RIMS2: variants seen among roughly 807,000 people sequenced by gnomAD.
The protein encoded by RIMS2 is regulating synaptic membrane exocytosis protein 2.
RIMS2 carries 59 observed loss-of-function variants against 174.4 expected under a neutral mutation model. That is an observed-to-expected ratio of 0.34 (90% CI 0.27 to 0.42). RIMS2 has a LOEUF of 0.42. Ranked by LOEUF, RIMS2 falls within the 10% of genes least tolerant of loss-of-function variation. RIMS2 has a pLI of 1.00. For missense variants in RIMS2, 1,620 were observed against 1,666.3 expected (o/e 0.97, Z 0.48); for synonymous variants, 606 against 572.5 (o/e 1.06, Z -0.84).
chr8:103,575,135 C>T (rs1385572929), intron 1 of RIMS2, among the ~76,000 whole-genome samples: 1 of 152,066 alleles, frequency 6.6e-6, no homozygotes, highest in East Asian at 1.9e-4. Flanking sequence ...AGGAAAGACA[C>T]TTATGAGATT....
At chr8:103,621,605 T>C (rs564184129) in intron 1 of RIMS2, among the ~76,000 whole-genome samples, 1 of 152,360 alleles carries the variant, frequency 6.6e-6, no homozygotes, top group Admixed American at 6.5e-5. Flanking sequence ...TTTAAGAATG[T>C]TAGCACAGGT....
At chr8:103,620,144 A>C (rs985683883) in intron 1 of RIMS2, among the ~76,000 whole-genome samples, 3 of 152,168 alleles carry the variant, frequency 2.0e-5, no homozygotes, top group Non-Finnish European at 2.9e-5. Flanking sequence ...TTGTCAATGA[A>C]TGCTGAAATA....
chr8:104,008,547 T>A (rs917780799), intron 17 of RIMS2, among the ~76,000 whole-genome samples: 1 of 151,826 alleles, frequency 6.6e-6, no homozygotes, highest in Non-Finnish European at 1.5e-5. Flanking sequence ...CAGTATTGTA[T>A]TTGTCCCTAA....
chr8:104,018,621 G>A (rs1413533160), intron 19 of RIMS2, among the ~76,000 whole-genome samples: 1 of 152,056 alleles, frequency 6.6e-6, no homozygotes, highest in Admixed American at 6.5e-5. Flanking sequence ...TATTTAATGA[G>A]TACCTACTAG....
intron 19 of RIMS2, among the ~76,000 whole-genome samples, chr8:104,226,289 T>C (rs1248172037): frequency 6.6e-6 from 1 of 152,192 alleles, no homozygotes; most frequent in Non-Finnish European, 1.5e-5. Context: ...AAAGCTAGTC[T>C]CTTTTTTTTA....
chr8:104,115,089 G>A (rs541580110), intron 19 of RIMS2, among the ~76,000 whole-genome samples: 34 of 152,108 alleles, frequency 2.2e-4, no homozygotes, highest in African/African-American at 7.2e-4. Context: ...ATGTATTTCA[G>A]TTTGCATTCA....
intron 3 of RIMS2, among the ~76,000 whole-genome samples, chr8:103,812,950 T>TA (rs1282151899): frequency 6.6e-6 from 1 of 152,188 alleles, no homozygotes; most frequent in African/African-American, 2.4e-5. Flanking sequence ...AGAACAAGAA[T>TA]AATGCAATGG....
At chr8:103,710,461 G>A (rs992970571) in intron 2 of RIMS2, among the ~76,000 whole-genome samples, 2 of 151,998 alleles carry the variant, frequency 1.3e-5, no homozygotes, top group East Asian at 3.9e-4. Context: ...TTCCTTTTCA[G>A]ATTATACCCT....
In RIMS2 at chr8:103,521,856, C is replaced by A. The variant is rs1045534706; in HGVS notation, c.176+20794C>A. The stretch of plus-strand genomic sequence containing the variant: ...CTTTCTCATTCTTAAAAAAAAAAAA[C>A]AAAAAACACTTTGAGCATTTCTACC... On this transcript the variant is annotated intron_variant, in intron 1 of 23. Coordinates refer to ENST00000504942, the Ensembl canonical transcript of RIMS2. Among the ~76,000 whole-genome samples, 242 of 150,504 alleles carry A rather than the reference C, an allele frequency of 1.6e-3. 3 individuals are homozygous for A. The highest frequency in any genetic ancestry group is 0.015 in the Admixed American group (226 of 15,132).
intron 1 of RIMS2, among the ~76,000 whole-genome samples, chr8:103,625,919 TAC>T (rs1402091770): frequency 6.6e-6 from 1 of 151,726 alleles, no homozygotes; most frequent in Non-Finnish European, 1.5e-5. Flanking sequence ...ATTATATATA[TAC>T]ACACACTAGT....
intron 3 of RIMS2, among the ~76,000 whole-genome samples, chr8:103,883,749 C>T: frequency 6.6e-6 from 1 of 151,670 alleles, no homozygotes; most frequent in Non-Finnish European, 1.5e-5. Context: ...TATACAGAAG[C>T]CATTATTGTC....
chr8:103,532,235 A>G (rs1367217385), intron 1 of RIMS2, among the ~76,000 whole-genome samples: 2 of 152,188 alleles, frequency 1.3e-5, no homozygotes, highest in Non-Finnish European at 2.9e-5. Context: ...ATTGTGATTT[A>G]GTAGCTCTGA....
chr8:104,101,261 A>T (rs903014417), intron 19 of RIMS2, among the ~76,000 whole-genome samples: 10 of 151,204 alleles, frequency 6.6e-5, no homozygotes, highest in African/African-American at 2.4e-4. Flanking sequence ...CAAGTAGCTG[A>T]GATTACAGGC....
chr8:103,524,990 A>G (rs1337659367), intron 1 of RIMS2, among the ~76,000 whole-genome samples: 1 of 152,220 alleles, frequency 6.6e-6, no homozygotes, highest in African/African-American at 2.4e-5. Context: ...GCAGAACATA[A>G]TTGGAAACCA....
At chr8:104,148,625 G>A (rs1276940229) in intron 19 of RIMS2, 18 of 1,597,922 alleles carry the variant, frequency 1.1e-5, no homozygotes, top group Non-Finnish European at 7.6e-6. Flanking sequence ...CATCCAAAAT[G>A]CAAAGCAGAC....
chr8:103,797,320 A>G (rs903805205), intron 3 of RIMS2, among the ~76,000 whole-genome samples: 2 of 152,124 alleles, frequency 1.3e-5, no homozygotes, highest in Admixed American at 1.3e-4. Context: ...ATACTTGTCA[A>G]TGTTTCTTTT....
At chr8:103,593,596 A>G (rs546206122) in intron 1 of RIMS2, among the ~76,000 whole-genome samples, 4 of 151,630 alleles carry the variant, frequency 2.6e-5, no homozygotes, top group Admixed American at 6.6e-5. Flanking sequence ...CTTCAACCAA[A>G]GCAATATATT....
intron 1 of RIMS2, among the ~76,000 whole-genome samples, chr8:103,634,123 T>C (rs148222530): frequency 0.011 from 1,658 of 152,296 alleles, 11 homozygotes; most frequent in Middle Eastern, 0.02. Context: ...GGTTGTTAAT[T>C]TGAGATCTTT....
At chr8:104,217,620 G>A (rs2099136692) in intron 19 of RIMS2, among the ~76,000 whole-genome samples, 1 of 152,146 alleles carries the variant, frequency 6.6e-6, no homozygotes, top group Admixed American at 6.5e-5. Context: ...GGGTCGACCA[G>A]CTACTGAAGT....
Sources: allele counts gnomAD v4.1 joint callset (sites outside exome capture counted in the v4.1 genomes callset), GRCh38; gene constraint gnomAD v4.1.1; transcripts MANE v1.5; gene names NCBI Gene and HGNC (gene_info 2026-07-23, HGNC 2026-07-21).